Variants in GNAI3 observed in about 807,000 individuals in gnomAD.
The protein encoded by GNAI3 is G protein subunit alpha i3, also known as guanine nucleotide-binding protein G(i) subunit alpha-3.
In GNAI3, 12 loss-of-function variants were observed where a neutral mutation model predicts 41.8. The observed-to-expected ratio is 0.29, with a 90% confidence interval of 0.18 to 0.47. The LOEUF is 0.47. Among genes scored for constraint, GNAI3 ranks in the 20% least tolerant of loss-of-function variants. The pLI is 1.00. For synonymous variants in GNAI3, 132 were observed against 146.5 expected, an observed-to-expected ratio of 0.90 and a Z score of 0.71; for missense variants, 360 against 429.6, an observed-to-expected ratio of 0.84 and a Z score of 1.43.
chr1:109,594,240 G>T lies in GNAI3; in HGVS notation c.*1918G>T, dbSNP rs3210226. ...ATTGTATTCTGTAATATAGGATCCT[G>T]GAAATGAGACCTGGTGGAATATTAT... On this transcript the variant is annotated 3_prime_UTR_variant, in exon 9 of 9. Coordinates refer to ENST00000369851, the MANE Select transcript of GNAI3 (RefSeq NM_006496.4). 1.3e-5 allele frequency: 2 copies of T among 152,098 alleles called. No homozygotes were observed. The highest frequency in any genetic ancestry group is 1.3e-4 in the Admixed American group (2 of 15,270). The allele number at this position is 152,098 out of a possible 1,614,324, so 9.4% of individuals were successfully genotyped here. A position where few individuals can be genotyped will look rare whatever the true frequency, so the allele number is the denominator to read the frequency against.
intron 1 of GNAI3, among the ~76,000 whole-genome samples, chr1:109,570,523 A>G (rs1432442940): frequency 1.3e-5 from 2 of 152,168 alleles, no homozygotes; most frequent in African/African-American, 2.4e-5. Flanking sequence ...AAAATATAAC[A>G]CAGAATAAGG....
chr1:109,590,661 C>T (rs1045110951), intron 7 of GNAI3, among the ~76,000 whole-genome samples: 4 of 151,736 alleles, frequency 2.6e-5, no homozygotes, highest in Admixed American at 2.6e-4. Context: ...CTGCAACCTC[C>T]ACCTCCCAGA....
At chr1:109,557,887 G>T (rs1008617040) in intron 1 of GNAI3, among the ~76,000 whole-genome samples, 1 of 152,136 alleles carries the variant, frequency 6.6e-6, no homozygotes, top group Non-Finnish European at 1.5e-5. Context: ...CCCTTTCAAG[G>T]ACTGGAGTAG....
At chr1:109,558,840 G>A (rs1389221797) in intron 1 of GNAI3, among the ~76,000 whole-genome samples, 1 of 152,044 alleles carries the variant, frequency 6.6e-6, no homozygotes, top group Non-Finnish European at 1.5e-5. Flanking sequence ...CAGGGGAATA[G>A]GACTTGTTGA....
chr1:109,554,060 T>C (rs1383705540), intron 1 of GNAI3, among the ~76,000 whole-genome samples: 1 of 145,618 alleles, frequency 6.9e-6, no homozygotes, highest in African/African-American at 2.6e-5. Context: ...GGCTGAGTAG[T>C]GTTCCATGGG....
At position 109,548,714 on chromosome 1, in the gene GNAI3, C is replaced by T. The variant is rs768099124; in HGVS notation, c.-7C>T. On this transcript the variant is annotated 5_prime_UTR_variant, in exon 1 of 9. Transcript: ENST00000369851. ...TCCGGGCCCGTGTCCCCTCTCCCGCCGCCGCCATGGGCTGCACGTTGAGCG... is the reference window on the plus strand; with the variant it reads ...TCCGGGCCCGTGTCCCCTCTCCCGCTGCCGCCATGGGCTGCACGTTGAGCG... 4 of 1,604,840 alleles carry T rather than the reference C, an allele frequency of 2.5e-6. No individual in the cohort carries two copies. Among genetic ancestry groups the T allele is most frequent in the African/African-American group, 2.7e-5 (2 of 74,728 alleles).
chr1:109,580,020 G>A (rs1346321203), intron 4 of GNAI3, among the ~76,000 whole-genome samples: 1 of 150,662 alleles, frequency 6.6e-6, no homozygotes. Context: ...TTTTTGTTTT[G>A]AGACGGAGTC....
intron 4 of GNAI3, among the ~76,000 whole-genome samples, chr1:109,582,147 T>C (rs1486652732): frequency 6.6e-6 from 1 of 152,096 alleles, no homozygotes; most frequent in African/African-American, 2.4e-5. Context: ...TGCACCACCA[T>C]GCTTAGCTAA....
At chr1:109,589,476 G>A (rs541320) in intron 7 of GNAI3, among the ~76,000 whole-genome samples, 131,424 of 152,086 alleles carry the variant, frequency 0.86, 57,089 homozygotes, top group East Asian at 1. Flanking sequence ...TTAAAGGGAA[G>A]GGAGAGATTT....
chr1:109,566,379 A>C (rs1648455013), intron 1 of GNAI3, among the ~76,000 whole-genome samples: 1 of 152,166 alleles, frequency 6.6e-6, no homozygotes, highest in Non-Finnish European at 1.5e-5. Flanking sequence ...TTTGTATTTG[A>C]AGTCACCATA....
In GNAI3 at chr1:109,593,553, C is replaced by T. The variant is rs181671309; in HGVS notation, c.*1231C>T. 2.0e-5 allele frequency: 3 copies of T among 152,772 alleles called. No individual in the cohort carries two copies. In the East Asian group the frequency reaches 5.8e-4, roughly 29 times the overall value. 9.5% of individuals were successfully genotyped at this position (152,772 alleles called of 1,614,324 possible). A position where few individuals can be genotyped will look rare whatever the true frequency, so the allele number is the denominator to read the frequency against. The stretch of plus-strand genomic sequence containing the variant: ...TTGTAACTAGTCTTTTCTGGAAATA[C>T]TGTCTTCTGTTTCCTTTTGCCTTTG... On this transcript the variant is annotated 3_prime_UTR_variant, in exon 9 of 9. Transcript: ENST00000369851.
At chr1:109,553,271 G>C (rs1011797152) in intron 1 of GNAI3, among the ~76,000 whole-genome samples, 4 of 151,532 alleles carry the variant, frequency 2.6e-5, no homozygotes, top group Non-Finnish European at 2.9e-5. Context: ...ACTTAGTTTT[G>C]TAAATTATTG....
At chr1:109,568,621 AT>A (rs200311035) in intron 1 of GNAI3, among the ~76,000 whole-genome samples, 15 of 150,506 alleles carry the variant, frequency 1.0e-4, no homozygotes, top group South Asian at 2.1e-4. Context: ...ATATTGTTGA[AT>A]TTTTTTTTTG....
intron 1 of GNAI3, among the ~76,000 whole-genome samples, chr1:109,569,182 G>A (rs1037799319): frequency 3.3e-5 from 5 of 152,052 alleles, no homozygotes; most frequent in African/African-American, 1.2e-4. Flanking sequence ...TGTGTTGAAC[G>A]GATCCTATTG....
chr1:109,571,817 C>T lies in GNAI3; in HGVS notation c.119-1920C>T, dbSNP rs574418547. Among the ~76,000 whole-genome samples, 4 of 152,240 alleles carry T rather than the reference C, an allele frequency of 2.6e-5. No homozygotes were observed. The East Asian group carries it at 7.7e-4, about 29-fold the overall frequency. ...CCTGTAGTCCCAGCTACTCAGGAGG[C>T]TGAGGCAGGAGAATCACTTGAACCT... is the stretch of plus-strand genomic sequence containing the variant. On this transcript the variant is annotated intron_variant, in intron 1 of 8. Coordinates refer to ENST00000369851, the MANE Select transcript of GNAI3 (RefSeq NM_006496.4).
rs969786240 is a variant in GNAI3 at position 109,567,976 on chromosome 1, T to G, written c.119-5761T>G. Among the ~76,000 whole-genome samples, 56 of 152,178 alleles carry G rather than the reference T, an allele frequency of 3.7e-4. 1 individual carries two copies. Among genetic ancestry groups the G allele is most frequent in the Non-Finnish European group, 6.5e-4 (44 of 67,982 alleles). The stretch of plus-strand genomic sequence containing the variant: ...AGAAGGACTCAGGGGATAGTGTTTT[T>G]TTTTTTTTTTGAGAATTAGCCATCT... On this transcript the variant is annotated intron_variant, in intron 1 of 8. Coordinates refer to ENST00000369851, the MANE Select transcript of GNAI3 (RefSeq NM_006496.4).
intron 1 of GNAI3, among the ~76,000 whole-genome samples, chr1:109,559,181 CAAAAGAAAAAA>C (rs1322860005): frequency 7.0e-6 from 1 of 142,162 alleles, no homozygotes; most frequent in African/African-American, 2.6e-5. Context: ...GACTCTGTCT[CAAAAGAAAAAA>C]AAAAGAAAAG....
At position 109,586,809 on chromosome 1, in the gene GNAI3, C is replaced by A; in HGVS notation, c.801C>A (p.Phe267Leu). The change falls in exon 7 of 9, where the codon TTC becomes TTA. Residue 267 changes from phenylalanine to leucine, a missense_variant. Physicochemically the swap from Phe to Leu is conservative, Grantham distance 22 (BLOSUM62 0). Coordinates refer to ENST00000369851, the MANE Select transcript of GNAI3 (RefSeq NM_006496.4). ...KWFTETSIIL[F>L]LNKKDLFEEK... The stretch of plus-strand genomic sequence containing the variant: ...TTACAGAAACTTCAATCATTCTCTT[C>A]CTTAACAAGAAAGACCTTTTTGAGG... The A allele has an allele frequency of 6.3e-7, 1 of 1,584,150 alleles. No homozygotes were observed. The highest frequency in any genetic ancestry group is 8.7e-7 in the Non-Finnish European group (1 of 1,153,110).
chr1:109,548,645 G>A lies in GNAI3; in HGVS notation c.-76G>A. The A allele has an allele frequency of 4.1e-6, 4 of 979,360 alleles. No individual in the cohort carries two copies. The highest frequency in any genetic ancestry group is 6.5e-6 in the Non-Finnish European group (4 of 619,488). 60.7% of individuals were successfully genotyped at this position (979,360 alleles called of 1,614,324 possible). On this transcript the variant is annotated 5_prime_UTR_variant, in exon 1 of 9. Coordinates refer to ENST00000369851, the MANE Select transcript of GNAI3 (RefSeq NM_006496.4). Reference sequence around the variant, plus strand: ...AGAGGGCCACCGCCCAGCAATAGACGGTGCCTCAGCCTGCCGAGCCGCAGT... The same window carrying A: ...AGAGGGCCACCGCCCAGCAATAGACAGTGCCTCAGCCTGCCGAGCCGCAGT...
Sources: allele counts gnomAD v4.1 joint callset (sites outside exome capture counted in the v4.1 genomes callset), GRCh38; gene constraint gnomAD v4.1.1; transcripts MANE v1.5; gene names NCBI Gene and HGNC (gene_info 2026-07-23, HGNC 2026-07-21).